Variants in DAPK2 observed in about 807,000 individuals in gnomAD.
DAPK2 encodes death associated protein kinase 2, also known as death-associated protein kinase 2.
A neutral mutation model predicts 44.1 loss-of-function variants in DAPK2; 35 were observed. The ratio of observed to expected loss-of-function variants is 0.79; its 90% CI spans 0.61 to 1.05. DAPK2 has a LOEUF of 1.05. Ranked by LOEUF, DAPK2 falls within the 50% of genes least tolerant of loss-of-function variation. DAPK2 has a pLI of 0.00. For synonymous variants in DAPK2, 174 were observed against 182.6 expected (o/e 0.95, Z 0.38); for missense variants, 453 against 483.2 (o/e 0.94, Z 0.59).
rs769015946 is a variant in DAPK2 at position 63,980,731 on chromosome 15, G to C, written c.314+2802C>G. On this transcript the variant is annotated intron_variant, in intron 2 of 10. Transcript: ENST00000261891. This position sits in a 1 kb window ranked among gnomAD's most constrained non-coding sequence, Gnocchi z 4.3. ...TAAGGATGCTATGGTTTGACTATTTGTGCCCTACAAACTCGCATTGAAATT... is the reference window on the plus strand; with the variant it reads ...TAAGGATGCTATGGTTTGACTATTTCTGCCCTACAAACTCGCATTGAAATT... 3.9e-5 allele frequency among the ~76,000 whole-genome samples: 6 copies of C among 152,244 alleles called. No homozygotes were observed. Among genetic ancestry groups the C allele is most frequent in the Non-Finnish European group, 8.8e-5 (6 of 68,036 alleles).
chr15:64,032,582 T>C (rs976819850), intron 1 of DAPK2, among the ~76,000 whole-genome samples: 6 of 152,164 alleles, frequency 3.9e-5, no homozygotes, highest in Non-Finnish European at 8.8e-5. Flanking sequence ...CAAGTACGTG[T>C]GCCACAGTAG....
intron 8 of DAPK2, chr15:63,922,833 C>T: frequency 2.6e-6 from 4 of 1,535,872 alleles, no homozygotes; most frequent in Non-Finnish European, 3.5e-6. Flanking sequence ...GAGCCCAGGC[C>T]CTCAGAGCTC....
At chr15:63,982,479 C>T (rs1404247370) in intron 2 of DAPK2, among the ~76,000 whole-genome samples, 1 of 152,160 alleles carries the variant, frequency 6.6e-6, no homozygotes, top group African/African-American at 2.4e-5. Flanking sequence ...TGAGCCACTG[C>T]ACCAGGCCAG....
intron 1 of DAPK2, among the ~76,000 whole-genome samples, chr15:64,021,623 A>T (rs979059777): frequency 6.6e-6 from 1 of 152,206 alleles, no homozygotes; most frequent in Non-Finnish European, 1.5e-5. Flanking sequence ...TGGGCTCACA[A>T]TCTGGCTTGA....
At position 63,924,798 on chromosome 15, in the gene DAPK2, T is replaced by A. The variant is rs200843465; in HGVS notation, c.858+18A>T. The A allele has an allele frequency of 6.2e-7, 1 of 1,614,098 alleles. No homozygotes were observed. The highest frequency in any genetic ancestry group is 1.7e-5 in the Admixed American group (1 of 60,016). On this transcript the variant is annotated intron_variant, in intron 8 of 10. Transcript: ENST00000261891. ...GCAGGGACCCTTTGCCCATTGGAAC[T>A]CATGGCTGTGCCCTTACCGTGATCC...
chr15:63,993,428 A>C (rs1345028666), intron 1 of DAPK2, among the ~76,000 whole-genome samples: 2 of 150,422 alleles, frequency 1.3e-5, no homozygotes, highest in Non-Finnish European at 3.0e-5. Flanking sequence ...TGTACAAATC[A>C]TAACCAGTTA....
At chr15:63,943,701 C>T (rs1268286627) in intron 3 of DAPK2, among the ~76,000 whole-genome samples, 2 of 122,532 alleles carry the variant, frequency 1.6e-5, no homozygotes, top group African/African-American at 3.0e-5. Context: ...GGTGAAACCC[C>T]GACTCTACTA....
upstream of DAPK2, among the ~76,000 whole-genome samples, chr15:64,041,716 T>G (rs1313371342): frequency 6.6e-6 from 1 of 152,240 alleles, no homozygotes; most frequent in Non-Finnish European, 1.5e-5. Context: ...CACCATTATA[T>G]AAGGGCACAT....
chr15:63,987,460 T>C (rs2078697279), intron 1 of DAPK2, among the ~76,000 whole-genome samples: 1 of 152,144 alleles, frequency 6.6e-6, no homozygotes, highest in East Asian at 1.9e-4. Flanking sequence ...AAATCAAAAA[T>C]GATGGGAATA....
chr15:63,951,654 C>A (rs1265557000), intron 3 of DAPK2, among the ~76,000 whole-genome samples: 1 of 152,118 alleles, frequency 6.6e-6, no homozygotes, highest in African/African-American at 2.4e-5. Flanking sequence ...AGATGATGGG[C>A]TCCTGGAAGG....
intron 1 of DAPK2, among the ~76,000 whole-genome samples, chr15:64,022,102 T>A (rs1249489327): frequency 6.6e-6 from 1 of 152,128 alleles, no homozygotes; most frequent in Non-Finnish European, 1.5e-5. Flanking sequence ...AAGGGAAACA[T>A]ATTAGAAACA....
intron 3 of DAPK2, among the ~76,000 whole-genome samples, chr15:63,941,360 C>A (rs542601602): frequency 2.6e-5 from 4 of 152,304 alleles, no homozygotes; most frequent in South Asian, 4.1e-4. Flanking sequence ...TTTCTCTTGT[C>A]CAGCGGCCCT....
At chr15:63,958,470 G>A (rs1424153763) in intron 3 of DAPK2, among the ~76,000 whole-genome samples, 2 of 152,048 alleles carry the variant, frequency 1.3e-5, no homozygotes, top group African/African-American at 2.4e-5. Context: ...TTTCTTCTAG[G>A]GTTTTTATGG....
intron 1 of DAPK2, among the ~76,000 whole-genome samples, chr15:63,993,963 A>T (rs773158522): frequency 1.6e-4 from 24 of 152,106 alleles, no homozygotes; most frequent in Non-Finnish European, 2.6e-4. Flanking sequence ...GGTCCAGGCT[A>T]CTGACATTGA....
At position 63,925,678 on chromosome 15, in the gene DAPK2, G is replaced by GCGCACA. The variant is rs1352051474; in HGVS notation, c.812+262_812+263insTGTGCG. ...AAAGAAACCCAGGCTGACTTGTAGC[G>GCGCACA]CACACACACACACACACACACACAC... On this transcript the variant is annotated intron_variant, in intron 7 of 10. Transcript: ENST00000261891. Among the ~76,000 whole-genome samples the GCGCACA allele has an allele frequency of 3.4e-3, 471 of 138,518 alleles. 6 individuals are homozygous for GCGCACA. The highest frequency in any genetic ancestry group is 0.011 in the African/African-American group (409 of 35,692). The allele number at this position is 138,518 out of a possible 152,430, so 90.9% of individuals were successfully genotyped here. A position where few individuals can be genotyped will look rare whatever the true frequency, so the allele number is the denominator to read the frequency against.
chr15:64,041,772 G>A (rs942915920), upstream of DAPK2, among the ~76,000 whole-genome samples: 2 of 152,328 alleles, frequency 1.3e-5, no homozygotes, highest in African/African-American at 2.4e-5. Context: ...CTCAGCGGGT[G>A]TATACATTTC....
At chr15:64,003,248 G>A (rs531878523) in intron 1 of DAPK2, among the ~76,000 whole-genome samples, 38 of 152,252 alleles carry the variant, frequency 2.5e-4, no homozygotes, top group Middle Eastern at 3.4e-3. Context: ...GCTGGACTTC[G>A]ATCCAGAGCA....
intron 3 of DAPK2, among the ~76,000 whole-genome samples, chr15:63,959,425 C>A (rs2077822332): frequency 6.6e-6 from 1 of 152,160 alleles, no homozygotes; most frequent in South Asian, 2.1e-4. Context: ...GCATTCCTGT[C>A]TTGTGCCAGT....
chr15:64,040,325 A>T, upstream of DAPK2: 1 of 1,339,920 alleles, frequency 7.5e-7, no homozygotes, highest in Non-Finnish European at 1.1e-6. Flanking sequence ...CAAGCCTAAG[A>T]GTCTAAGGCC....
Sources: gnomAD v4.1 joint callset for allele counts (sites outside exome capture counted in the v4.1 genomes callset) on GRCh38, gnomAD v4.1.1 for gene constraint, Gnocchi (gnomAD v3.1) non-coding constraint, MANE v1.5 for transcripts, NCBI Gene and HGNC (gene_info 2026-07-23, HGNC 2026-07-21) for gene names.